The following MRPS30 variants were observed in gnomAD, a reference collection of about 807,000 sequenced individuals.
MRPS30 encodes the protein large ribosomal subunit protein mL65.
Under a neutral mutation model 43.8 loss-of-function variants are expected in MRPS30, and 42 were observed. That is an observed-to-expected ratio of 0.96 (90% confidence interval 0.75 to 1.24). MRPS30 has a LOEUF of 1.24. Among genes scored for constraint, MRPS30 ranks in the 50% most tolerant of loss-of-function variants. The probability of loss-of-function intolerance (pLI) is 0.00; values close to 1 mark genes in which losing one functional copy is unlikely to be tolerated. For synonymous variants in MRPS30, 273 were observed against 228.2 expected (o/e 1.20, Z -1.77); for missense variants, 638 against 570.0 (o/e 1.12, Z -1.22).
Position 44,809,067 on chromosome 5 carries a change from C to T in MRPS30, c.105C>T (p.Asp35=), listed in dbSNP as rs1475089695. 2 of 1,610,036 alleles carry T rather than the reference C, an allele frequency of 1.2e-6. No homozygotes were observed. Among genetic ancestry groups the T allele is most frequent in the Non-Finnish European group, 1.7e-6 (2 of 1,178,836 alleles). ...CGGCTACAGAAACGACCTGCCAAGA[C>T]GTCGCGGCGACCCCCGTCGCGCGGT... is the stretch of plus-strand genomic sequence containing the variant. The part of the protein sequence containing the change: ...AATATETTCQ[D]VAATPVARYP... The change falls in exon 1 of 5, where the codon GAC becomes GAT. Residue 35 remains aspartate, a synonymous_variant. Transcript: ENST00000507110.
chr5:44,809,867 G>C, intron 1 of MRPS30: 1 of 352,458 alleles, frequency 2.8e-6, no homozygotes, highest in Non-Finnish European at 5.1e-6. Flanking sequence ...CAGTGGTGAT[G>C]AAGAGAAACG....
chr5:44,814,063 G>A (rs1308194172), intron 4 of MRPS30, among the ~76,000 whole-genome samples: 2 of 152,242 alleles, frequency 1.3e-5, no homozygotes, highest in African/African-American at 4.8e-5. Context: ...AAGTCCCTGA[G>A]GTGGGAACAG....
intron 4 of MRPS30, 151 bp from the exon 5 acceptor site, chr5:44,814,762 T>G: frequency 1.5e-6 from 1 of 676,944 alleles, no homozygotes; most frequent in Non-Finnish European, 2.5e-6. Context: ...AGAATAGAGA[T>G]GATAAGGAAA....
chr5:44,811,857 G>A (rs1184685948), intron 2 of MRPS30, 58 bp from the exon 3 acceptor site: 2 of 1,009,540 alleles, frequency 2.0e-6, no homozygotes, highest in Admixed American at 2.9e-5. Flanking sequence ...TAATGAGTGT[G>A]AGTAAAATAC....
intron 3 of MRPS30, 100 bp downstream of exon 3, chr5:44,812,120 G>A (rs1049194542): frequency 1.5e-5 from 12 of 789,118 alleles, no homozygotes; most frequent in Middle Eastern, 2.5e-4. Flanking sequence ...CTCGAAGACC[G>A]AGAGGTTTAC....
rs113734928 is a variant in MRPS30 at position 44,814,586 on chromosome 5, A to G, written c.1031-327A>G. ...ATAAAGTTACTACTTGGCCTTGGTA[A>G]TTGGGTAATGACATAGTACCAGATG... On this transcript the variant is annotated intron_variant, in intron 4 of 4. Coordinates refer to ENST00000507110, the MANE Select transcript of MRPS30 (RefSeq NM_016640.4). Among the ~76,000 whole-genome samples, 641 of 152,338 alleles carry G rather than the reference A, an allele frequency of 4.2e-3. 6 individuals are homozygous for G. Among genetic ancestry groups the G allele is most frequent in the African/African-American group, 0.015 (608 of 41,576 alleles).
rs749484817 is a variant in MRPS30 at position 44,811,116 on chromosome 5, CCAAA to C, written c.713_716del (p.Asn238ThrfsTer21). Reference sequence around the variant, plus strand: ...CTTGCGATACCAGATAGATGATAAACCAAACAACCAGATTCGAATATCCAAGCAA... The same window carrying C: ...CTTGCGATACCAGATAGATGATAAACCAACCAGATTCGAATATCCAAGCAA... On this transcript the variant is annotated frameshift_variant, in exon 2 of 5. Transcript: ENST00000507110. LOFTEE classifies it high-confidence loss of function. 1.9e-6 allele frequency: 3 copies of C among 1,613,966 alleles called. No homozygotes were observed. In the South Asian group the frequency reaches 3.3e-5, roughly 18 times the overall value.
In MRPS30 at chr5:44,809,093, AC is replaced by A; in HGVS notation, c.134del (p.Pro45ArgfsTer7). 1 of 1,604,758 alleles carries A rather than the reference AC, an allele frequency of 6.2e-7. No homozygotes were observed. The highest frequency in any genetic ancestry group is 8.5e-7 in the Non-Finnish European group (1 of 1,176,580). ...QDVAATPVAR[Y>X]PPIVASMTAD... The stretch of plus-strand genomic sequence containing the variant: ...GTCGCGGCGACCCCCGTCGCGCGGT[AC>A]CCGCCGATTGTGGCCTCCATGACAG... On this transcript the variant is annotated frameshift_variant, in exon 1 of 5. Coordinates refer to ENST00000507110, the MANE Select transcript of MRPS30 (RefSeq NM_016640.4). LOFTEE classifies it high-confidence loss of function.
chr5:44,812,867 C>T (rs909216968), intron 3 of MRPS30, among the ~76,000 whole-genome samples: 1 of 152,076 alleles, frequency 6.6e-6, no homozygotes, highest in East Asian at 1.9e-4. Context: ...CTTTCAACTT[C>T]TTCCATGTTA....
chr5:44,813,012 T>C (rs1489493967), intron 3 of MRPS30, 94 bp from the exon 4 acceptor site: 12 of 1,184,970 alleles, frequency 1.0e-5, no homozygotes, highest in Non-Finnish European at 1.3e-5. Context: ...ATATGATGTA[T>C]AAAGAAGGAA....
Position 44,812,305 on chromosome 5 carries a change from T to A in MRPS30, c.853+285T>A, listed in dbSNP as rs527342703. Among the ~76,000 whole-genome samples the A allele has an allele frequency of 9.1e-4, 139 of 152,348 alleles. 1 individual carries two copies. The highest frequency in any genetic ancestry group is 3.2e-3 in the African/African-American group (131 of 41,584). On this transcript the variant is annotated intron_variant, in intron 3 of 4. Transcript: ENST00000507110. ...TTAGATAGAAAAATTAGTGTTTTTTTAAAAGTAAAAACTTTTAGAACTGGA... is the reference window on the plus strand; with the variant it reads ...TTAGATAGAAAAATTAGTGTTTTTTAAAAAGTAAAAACTTTTAGAACTGGA...
At chr5:44,813,494 T>G (rs1366897179) in intron 4 of MRPS30, 2 of 405,230 alleles carry the variant, frequency 4.9e-6, no homozygotes, top group Non-Finnish European at 8.6e-6. Flanking sequence ...GTCTTTTACT[T>G]TGACCATCTT....
At chr5:44,812,788 A>T (rs1238856217) in intron 3 of MRPS30, among the ~76,000 whole-genome samples, 1 of 152,162 alleles carries the variant, frequency 6.6e-6, no homozygotes, top group Non-Finnish European at 1.5e-5. Flanking sequence ...GGAGACAACC[A>T]TAGCTAATCA....
At chr5:44,810,889 A>G in intron 1 of MRPS30, 120 bp from the exon 2 acceptor site, 1 of 820,880 alleles carries the variant, frequency 1.2e-6, no homozygotes, top group East Asian at 2.7e-5. Context: ...CATAACCCAG[A>G]CTCTTACCTC....
At chr5:44,811,742 AACTTT>A (rs1366462715) in intron 2 of MRPS30, among the ~76,000 whole-genome samples, 168 bp from the exon 3 acceptor site, 7 of 152,208 alleles carry the variant, frequency 4.6e-5, no homozygotes, top group Admixed American at 1.3e-4. Flanking sequence ...GTTCCAGTAA[AACTTT>A]ACTTGTAAAA....
rs778603764 is a variant in MRPS30 at position 44,815,202 on chromosome 5, A to T, written c.1320A>T (p.Ter440CysextTer6). ...AAAAATCACAGCTGTTGGAAAACTG[A>T]AAAAGCATATTTGATTGAGAACTGT... Reference protein sequence around the residue: ...KEEKSQLLEN* With the variant: ...KEEKSQLLENC The change falls in exon 5 of 5, where the codon TGA becomes TGT. Residue 440 changes from the stop codon to cysteine, a stop_lost. Coordinates refer to ENST00000507110, the MANE Select transcript of MRPS30 (RefSeq NM_016640.4). 6.3e-7 allele frequency: 1 copy of T among 1,577,226 alleles called. No homozygotes were observed. The highest frequency in any genetic ancestry group is 8.6e-7 in the Non-Finnish European group (1 of 1,166,948).
In MRPS30 at chr5:44,809,236, A is replaced by G. The variant is rs200609148; in HGVS notation, c.274A>G (p.Met92Val). Residue 92 changes from methionine to valine, a missense_variant, in exon 1 of 5, where the codon ATG becomes GTG. Coordinates refer to ENST00000507110, the MANE Select transcript of MRPS30 (RefSeq NM_016640.4). Reference sequence around the variant, plus strand: ...CACCAAGATGCAGTTTATGAAGTACATGGTTTACCCGCAGACCTTCGCGCT... The same window carrying G: ...CACCAAGATGCAGTTTATGAAGTACGTGGTTTACCCGCAGACCTTCGCGCT... ...ILTKMQFMKY[M>V]VYPQTFALNA... 1.4e-4 allele frequency: 233 copies of G among 1,613,700 alleles called. No homozygotes were observed. The East Asian group carries it at 4.3e-3, about 30-fold the overall frequency.
chr5:44,809,121 C>T lies in MRPS30; in HGVS notation c.159C>T (p.Ala53=). ...RYPPIVASMT[A]DSKAARLRRI... ...CGCCGATTGTGGCCTCCATGACAGC[C>T]GACAGCAAAGCTGCACGGCTGCGGC... is the stretch of plus-strand genomic sequence containing the variant. Residue 53 remains alanine (A), a synonymous_variant, in exon 1 of 5, where the codon GCC becomes GCT. Transcript: ENST00000507110. 6.2e-7 allele frequency: 1 copy of T among 1,611,884 alleles called. No individual in the cohort carries two copies. Among genetic ancestry groups the T allele is most frequent in the Non-Finnish European group, 8.5e-7 (1 of 1,179,494 alleles).
At chr5:44,812,797 C>T (rs1471132681) in intron 3 of MRPS30, among the ~76,000 whole-genome samples, 2 of 151,990 alleles carry the variant, frequency 1.3e-5, no homozygotes, top group African/African-American at 4.8e-5. Flanking sequence ...CATAGCTAAT[C>T]ATGACTAAGG....
Sources: gnomAD v4.1 joint callset for allele counts (sites outside exome capture counted in the v4.1 genomes callset) on GRCh38, gnomAD v4.1.1 for gene constraint, MANE v1.5 for transcripts, NCBI Gene and HGNC (gene_info 2026-07-23, HGNC 2026-07-21) for gene names.